Variants in CTNND2 observed in about 807,000 individuals in gnomAD.
CTNND2 encodes catenin delta-2.
Under a neutral mutation model 144.4 loss-of-function variants are expected in CTNND2, and 22 were observed. The observed-to-expected ratio is 0.15, with a 90% confidence interval of 0.11 to 0.22. The LOEUF (loss-of-function observed/expected upper bound fraction) is 0.22. CTNND2 is among the 10% of genes least tolerant of loss of function. The probability of loss-of-function intolerance (pLI) is 1.00; values close to 1 mark genes in which losing one functional copy is unlikely to be tolerated. For synonymous variants in CTNND2, 751 were observed against 695.6 expected, an observed-to-expected ratio of 1.08 and a Z score of -1.25; for missense variants, 1,353 against 1,618.8, an observed-to-expected ratio of 0.84 and a Z score of 2.82.
intron 11 of CTNND2, among the ~76,000 whole-genome samples, chr5:11,162,918 G>C (rs59621290): frequency 4.9e-4 from 69 of 141,582 alleles, no homozygotes; most frequent in Middle Eastern, 3.5e-3. Context: ...CACACATACA[G>C]ACACACACAC....
chr5:11,289,570 A>G (rs1173847562), intron 9 of CTNND2, among the ~76,000 whole-genome samples: 5 of 152,228 alleles, frequency 3.3e-5, no homozygotes, highest in African/African-American at 1.2e-4. Context: ...CTGCTCAGAC[A>G]TCCCTATGGT....
At chr5:11,898,385 G>A (rs1430912855) in intron 1 of CTNND2, among the ~76,000 whole-genome samples, 3 of 152,126 alleles carry the variant, frequency 2.0e-5, no homozygotes, top group Non-Finnish European at 2.9e-5. Context: ...ACATTATAAG[G>A]AGGTTTCTAA....
At chr5:11,460,518 A>G (rs1766105056) in intron 3 of CTNND2, among the ~76,000 whole-genome samples, 1 of 152,180 alleles carries the variant, frequency 6.6e-6, no homozygotes, top group African/African-American at 2.4e-5. Flanking sequence ...GTTCTCTACT[A>G]TGCTGTCCCC....
intron 1 of CTNND2, among the ~76,000 whole-genome samples, chr5:11,842,173 T>C (rs1056620281): frequency 6.6e-6 from 1 of 152,070 alleles, no homozygotes; most frequent in African/African-American, 2.4e-5. Flanking sequence ...AGTCCCCTTT[T>C]TTCTCTGAAA....
chr5:11,818,004 T>TTTTTTTTTC (rs1554126308), intron 1 of CTNND2, among the ~76,000 whole-genome samples: 4 of 93,254 alleles, frequency 4.3e-5, no homozygotes, highest in Non-Finnish European at 6.3e-5. Flanking sequence ...TTTTTTTTTT[T>TTTTTTTTTC]CAGTTCTCCT....
At chr5:11,787,840 T>C (rs757254857) in intron 1 of CTNND2, among the ~76,000 whole-genome samples, 14 of 152,200 alleles carry the variant, frequency 9.2e-5, no homozygotes, top group Non-Finnish European at 1.9e-4. Context: ...TATTCCCTAG[T>C]GAGATTGTGT....
chr5:11,736,020 T>G (rs1017436054), intron 1 of CTNND2, among the ~76,000 whole-genome samples: 1 of 152,178 alleles, frequency 6.6e-6, no homozygotes, highest in Non-Finnish European at 1.5e-5. Context: ...TATCAACATA[T>G]TTTTGACAAA....
chr5:11,334,509 C>A (rs548419106), intron 9 of CTNND2, among the ~76,000 whole-genome samples: 4 of 152,308 alleles, frequency 2.6e-5, no homozygotes, highest in African/African-American at 9.6e-5. Context: ...GATTTCATAT[C>A]TGTCTTTCCA....
intron 1 of CTNND2, among the ~76,000 whole-genome samples, chr5:11,771,960 G>C (rs193072463): frequency 6.6e-6 from 1 of 152,264 alleles, no homozygotes; most frequent in Admixed American, 6.5e-5. Flanking sequence ...TTAGGTACTA[G>C]GATTTTCTAG....
intron 1 of CTNND2, among the ~76,000 whole-genome samples, chr5:11,760,283 C>T (rs1789184151): frequency 6.6e-6 from 1 of 152,006 alleles, no homozygotes; most frequent in African/African-American, 2.4e-5. Context: ...TCCTTGTTAC[C>T]CAGCCCCTCA....
In CTNND2 at chr5:11,460,501, T is replaced by C. The variant is rs539395641; in HGVS notation, c.288-48432A>G. Among the ~76,000 whole-genome samples the C allele has an allele frequency of 1.4e-4, 22 of 152,326 alleles. No homozygotes were observed. The South Asian group carries it at 4.3e-3, about 30-fold the overall frequency. Reference sequence around the variant, plus strand: ...GATATGAGAACCAAAAATATGCACCTTCTACTGTTCTCTACTATGCTGTCC... The same window carrying C: ...GATATGAGAACCAAAAATATGCACCCTCTACTGTTCTCTACTATGCTGTCC... On this transcript the variant is annotated intron_variant, in intron 3 of 21. Transcript: ENST00000304623.
At chr5:11,455,235 C>T (rs1765632839) in intron 3 of CTNND2, among the ~76,000 whole-genome samples, 1 of 151,956 alleles carries the variant, frequency 6.6e-6, no homozygotes, top group Non-Finnish European at 1.5e-5. Flanking sequence ...CTACTTTATT[C>T]AGATGGAGAG....
chr5:11,492,770 C>T (rs900431180), intron 3 of CTNND2, among the ~76,000 whole-genome samples: 1 of 151,758 alleles, frequency 6.6e-6, no homozygotes, highest in South Asian at 2.1e-4. Context: ...AATTATTCTT[C>T]ATATAAATAT....
chr5:11,867,821 C>T (rs980281396), intron 1 of CTNND2, among the ~76,000 whole-genome samples: 12 of 151,538 alleles, frequency 7.9e-5, no homozygotes, highest in African/African-American at 2.9e-4. Context: ...TACACTGTGA[C>T]TTCATTAAAA....
chr5:11,554,041 G>C (rs141466254), intron 3 of CTNND2, among the ~76,000 whole-genome samples: 1 of 152,030 alleles, frequency 6.6e-6, no homozygotes, highest in Non-Finnish European at 1.5e-5. Flanking sequence ...CAAATTCTTT[G>C]AACAGCTGAC....
intron 1 of CTNND2, among the ~76,000 whole-genome samples, chr5:11,753,501 C>A (rs2126790077): frequency 6.6e-6 from 1 of 151,762 alleles, no homozygotes; most frequent in South Asian, 2.1e-4. Flanking sequence ...TGAAACAAAC[C>A]TGCATCCAGG....
At chr5:11,117,651 G>T in intron 12 of CTNND2, 84 bp from the exon 13 acceptor site, 1 of 1,040,046 alleles carries the variant, frequency 9.6e-7, no homozygotes, top group Non-Finnish European at 1.5e-6. Flanking sequence ...CTCATAGTTT[G>T]AAAGTAAATG....
intron 3 of CTNND2, among the ~76,000 whole-genome samples, chr5:11,486,024 A>G (rs987741636): frequency 6.6e-6 from 1 of 152,192 alleles, no homozygotes. Context: ...AAGCCCTATA[A>G]ATAAAGAAGA....
intron 13 of CTNND2, among the ~76,000 whole-genome samples, chr5:11,113,237 G>A (rs1753187493): frequency 6.6e-6 from 1 of 152,178 alleles, no homozygotes; most frequent in Admixed American, 6.5e-5. Context: ...TCTTTGAATA[G>A]TGTCTGCTCA....
Sources: allele counts gnomAD v4.1 joint callset (sites outside exome capture counted in the v4.1 genomes callset), GRCh38; gene constraint gnomAD v4.1.1; transcripts MANE v1.5; gene names NCBI Gene and HGNC (gene_info 2026-07-23, HGNC 2026-07-21).